The following RPTOR variants were observed in gnomAD, a reference collection of about 807,000 sequenced individuals.
RPTOR encodes the protein regulatory associated protein of MTOR complex 1.
RPTOR carries 21 observed loss-of-function variants against 169.9 expected under a neutral mutation model. The ratio of observed to expected loss-of-function variants is 0.12; its 90% CI spans 0.09 to 0.18. The LOEUF is 0.18. Among genes scored for constraint, RPTOR ranks in the 10% least tolerant of loss-of-function variants. RPTOR has a pLI of 1.00. For missense variants in RPTOR, 1,133 were observed against 1,855.9 expected (o/e 0.61, Z 7.16); for synonymous variants, 732 against 753.2 (o/e 0.97, Z 0.46).
intron 13 of RPTOR, among the ~76,000 whole-genome samples, chr17:80,867,889 G>A (rs1287337097): frequency 1.3e-5 from 2 of 152,156 alleles, no homozygotes; most frequent in Non-Finnish European, 1.5e-5. Context: ...TGAAGAGATC[G>A]TCCGTTATCT....
chr17:80,698,285 C>CGG (rs2066054089), intron 3 of RPTOR, among the ~76,000 whole-genome samples: 1 of 152,178 alleles, frequency 6.6e-6, no homozygotes, highest in South Asian at 2.1e-4. Context: ...GGGCCCCATG[C>CGG]AGAGGGGCTG....
intron 5 of RPTOR, among the ~76,000 whole-genome samples, chr17:80,735,341 A>C (rs530563558): frequency 6.6e-6 from 1 of 152,358 alleles, no homozygotes; most frequent in Non-Finnish European, 1.5e-5. Flanking sequence ...TGCCACCTCC[A>C]TCCAGATAAA....
intron 7 of RPTOR, among the ~76,000 whole-genome samples, chr17:80,821,641 C>T (rs1036650148): frequency 2.0e-5 from 3 of 152,162 alleles, no homozygotes; most frequent in East Asian, 3.9e-4. Context: ...CTAATGTGTG[C>T]TTGTTCATTT....
intron 2 of RPTOR, among the ~76,000 whole-genome samples, chr17:80,637,034 T>G (rs2065513010): frequency 6.6e-6 from 1 of 152,150 alleles, no homozygotes; most frequent in South Asian, 2.1e-4. Context: ...CAGGTAGCAA[T>G]GTGTGTGAAT....
chr17:80,778,246 A>G (rs2066909457), intron 6 of RPTOR, among the ~76,000 whole-genome samples: 1 of 152,198 alleles, frequency 6.6e-6, no homozygotes, highest in South Asian at 2.1e-4. Context: ...TTAATGACAG[A>G]TAAAAATTGA....
chr17:80,775,651 G>A (rs1017970676), intron 6 of RPTOR, among the ~76,000 whole-genome samples: 2 of 152,188 alleles, frequency 1.3e-5, no homozygotes, highest in African/African-American at 4.8e-5. Context: ...CAGCCCCCAC[G>A]TTTGGCTGTC....
At chr17:80,709,017 G>C (rs553022530) in intron 4 of RPTOR, 2 of 985,442 alleles carry the variant, frequency 2.0e-6, no homozygotes, top group South Asian at 4.7e-5. Flanking sequence ...GCTAGCATTC[G>C]GCACAGGTGG....
intron 13 of RPTOR, among the ~76,000 whole-genome samples, chr17:80,859,513 G>T (rs2067893605): frequency 1.3e-5 from 2 of 152,242 alleles, no homozygotes; most frequent in African/African-American, 4.8e-5. Flanking sequence ...AGCCAGGTTG[G>T]CAGGGAGCCC....
At chr17:80,724,804 G>A (rs572679575) in intron 4 of RPTOR, among the ~76,000 whole-genome samples, 23 of 152,310 alleles carry the variant, frequency 1.5e-4, no homozygotes, top group Middle Eastern at 3.4e-3. Flanking sequence ...AGGAGGGGCC[G>A]TGGGAGAAGA....
In RPTOR at chr17:80,611,768, TTA is replaced by T. The variant is rs879715789; in HGVS notation, c.163-13922_163-13921del. ...ATCTTTTATAGCTGTTTTTTTTTTT[TTA>T]AAAAAAACAAAATCTACTCATTATG... On this transcript the variant is annotated intron_variant, in intron 1 of 33. Transcript: ENST00000306801. Among the ~76,000 whole-genome samples the T allele has an allele frequency of 7.9e-5, 10 of 127,218 alleles. No homozygotes were observed. In the South Asian group the frequency reaches 1.5e-3, roughly 19 times the overall value. The allele number at this position is 127,218 out of a possible 152,430, so 83.5% of individuals were successfully genotyped here. A position where few individuals can be genotyped will look rare whatever the true frequency, so the allele number is the denominator to read the frequency against.
At chr17:80,903,793 G>C (rs956823103) in intron 20 of RPTOR, among the ~76,000 whole-genome samples, 32 of 152,118 alleles carry the variant, frequency 2.1e-4, no homozygotes, top group Non-Finnish European at 4.4e-5. Context: ...AGAAGGTATT[G>C]GTTTCTGCCT....
chr17:80,594,771 G>A (rs1158094428), intron 1 of RPTOR, among the ~76,000 whole-genome samples: 1 of 152,202 alleles, frequency 6.6e-6, no homozygotes, highest in East Asian at 1.9e-4. Flanking sequence ...TGTGGCAAAT[G>A]TTAATAACAG....
At chr17:80,889,822 C>T (rs112916005) in intron 17 of RPTOR, among the ~76,000 whole-genome samples, 62 of 121,982 alleles carry the variant, frequency 5.1e-4, no homozygotes, top group Middle Eastern at 4.3e-3. Flanking sequence ...GGCCCCCGTA[C>T]GCAGCAGGAT....
chr17:80,775,076 C>T (rs954697595), intron 6 of RPTOR, among the ~76,000 whole-genome samples: 2 of 152,202 alleles, frequency 1.3e-5, no homozygotes, highest in African/African-American at 4.8e-5. Flanking sequence ...CTCAGCCGCC[C>T]CACAAGCCTG....
Position 80,964,656 on chromosome 17 carries a change from T to G in RPTOR, c.*326T>G. 1 of 404,062 alleles carries G rather than the reference T, an allele frequency of 2.5e-6. No homozygotes were observed. Among genetic ancestry groups the G allele is most frequent in the South Asian group, 3.5e-5 (1 of 28,614 alleles). The allele number at this position is 404,062 out of a possible 1,614,324, so 25.0% of individuals were successfully genotyped here. On this transcript the variant is annotated 3_prime_UTR_variant, in exon 34 of 34. Transcript: ENST00000306801. ...ACGCTGAAAGGGGAAACACCTCACT[T>G]TATTTCCATGTAATCAGAGCATTAG...
intron 3 of RPTOR, among the ~76,000 whole-genome samples, chr17:80,649,357 G>A (rs116721051): frequency 0.028 from 4,202 of 152,278 alleles, 76 homozygotes; most frequent in Middle Eastern, 0.051. Flanking sequence ...CCCTTGGCGT[G>A]CGGCCCTGAT....
chr17:80,688,183 C>T lies in RPTOR; in HGVS notation c.349-19658C>T, dbSNP rs1368856813. 2.0e-5 allele frequency among the ~76,000 whole-genome samples: 3 copies of T among 152,336 alleles called. No homozygotes were observed. The East Asian group carries it at 5.8e-4, about 29-fold the overall frequency. On this transcript the variant is annotated intron_variant, in intron 3 of 33. Coordinates refer to ENST00000306801, the MANE Select transcript of RPTOR (RefSeq NM_020761.3). ...AGCACTGCTGCCTGTTAGCCAGGCA[C>T]TAGTCAAAGGACTTTTGATGTATTA...
chr17:80,777,283 G>A (rs1415979898), intron 6 of RPTOR, among the ~76,000 whole-genome samples: 5 of 151,980 alleles, frequency 3.3e-5, no homozygotes, highest in Admixed American at 1.3e-4. Context: ...GGAGGCCAGT[G>A]TGGGAGGAAG....
intron 3 of RPTOR, among the ~76,000 whole-genome samples, chr17:80,696,727 G>A (rs1448496741): frequency 1.3e-5 from 2 of 152,178 alleles, no homozygotes; most frequent in East Asian, 1.9e-4. Context: ...GTTTGCAGGC[G>A]GGAGCACGTG....
Sources: allele counts gnomAD v4.1 joint callset (sites outside exome capture counted in the v4.1 genomes callset), GRCh38; gene constraint gnomAD v4.1.1; transcripts MANE v1.5; gene names NCBI Gene and HGNC (gene_info 2026-07-23, HGNC 2026-07-21).